The following GALK2 variants were observed in gnomAD, a reference collection of about 807,000 sequenced individuals.
GALK2 encodes galactokinase 2.
A neutral mutation model predicts 52.4 loss-of-function variants in GALK2; 36 were observed. The observed-to-expected ratio is 0.69, with a 90% confidence interval of 0.53 to 0.91. The LOEUF (loss-of-function observed/expected upper bound fraction) is 0.91, where lower values mean the gene tolerates loss of function less well. Among genes scored for constraint, GALK2 ranks in the 40% least tolerant of loss-of-function variants. GALK2 has a pLI of 0.00. For synonymous variants in GALK2, 176 were observed against 199.1 expected (o/e 0.88, Z 0.98); for missense variants, 579 against 559.1 (o/e 1.04, Z -0.36).
intron 3 of GALK2, 70 bp from the exon 4 acceptor site, chr15:49,235,781 G>A: frequency 1.0e-6 from 1 of 958,862 alleles, no homozygotes; most frequent in South Asian, 1.3e-5. Flanking sequence ...CAAGATGGCA[G>A]CAGTCATCCA....
At chr15:49,174,818 T>C (rs755840905) in intron 1 of GALK2, among the ~76,000 whole-genome samples, 4 of 152,194 alleles carry the variant, frequency 2.6e-5, no homozygotes, top group Non-Finnish European at 5.9e-5. Flanking sequence ...TGAATAATAA[T>C]GATGATAGCA....
At chr15:49,195,158 G>C (rs758760998) in intron 1 of GALK2, 2 of 449,180 alleles carry the variant, frequency 4.5e-6, no homozygotes, top group South Asian at 3.1e-5. Flanking sequence ...TGCAACCTCC[G>C]CCTCCTGGGT....
intron 2 of GALK2, among the ~76,000 whole-genome samples, chr15:49,206,341 G>A (rs887141287): frequency 2.6e-5 from 4 of 151,818 alleles, no homozygotes; most frequent in African/African-American, 9.7e-5. Flanking sequence ...TTTTATAATT[G>A]TTTTTTCTAA....
intron 1 of GALK2, among the ~76,000 whole-genome samples, chr15:49,157,621 G>A (rs1316700265): frequency 1.3e-5 from 2 of 152,030 alleles, no homozygotes; most frequent in African/African-American, 4.8e-5. Context: ...AAAATTTAAA[G>A]AATAATTAAA....
rs377685336 is a variant in GALK2, at chr15:49,296,788, A to G, written c.967+4251A>G. ...CTAATTTTTTGTATTTTTAGTAGAG[A>G]CAGGGTTTCACCATGTTGGCCAGGC... On this transcript the variant is annotated intron_variant, in intron 8 of 9. Coordinates refer to ENST00000560031, the MANE Select transcript of GALK2 (RefSeq NM_002044.4). Among the ~76,000 whole-genome samples the G allele has an allele frequency of 2.6e-5, 4 of 152,030 alleles. No individual in the cohort carries two copies. The East Asian group carries it at 5.8e-4, about 22-fold the overall frequency.
chr15:49,179,648 C>CT (rs1381124093), intron 1 of GALK2, among the ~76,000 whole-genome samples: 1 of 124,132 alleles, frequency 8.1e-6, no homozygotes, highest in African/African-American at 2.8e-5. Context: ...TTCTTTGTTT[C>CT]TTTCTTTTTT....
intron 5 of GALK2, among the ~76,000 whole-genome samples, chr15:49,268,210 A>G (rs548653090): frequency 6.6e-6 from 1 of 152,196 alleles, no homozygotes; most frequent in Non-Finnish European, 1.5e-5. Context: ...CTAATATTAA[A>G]CAAACATACA....
intron 2 of GALK2, among the ~76,000 whole-genome samples, chr15:49,213,913 C>T (rs181734167): frequency 1.2e-4 from 18 of 151,934 alleles, no homozygotes; most frequent in Admixed American, 3.3e-4. Flanking sequence ...GTCAGGAGAT[C>T]GAGACCATCA....
chr15:49,337,508 C>CT (rs33973907), intron 3 of GALK2, among the ~76,000 whole-genome samples: 13,355 of 35,890 alleles, frequency 0.37, 4,204 homozygotes, highest in Non-Finnish European at 0.47. Flanking sequence ...CATTTACCCA[C>CT]TTTTTTTTTT....
intron 8 of GALK2, among the ~76,000 whole-genome samples, chr15:49,299,812 G>GTTCTTTCTTTCTTTCTTTCTTTCTTT (rs1555428444): frequency 3.1e-5 from 4 of 128,052 alleles, no homozygotes; most frequent in Non-Finnish European, 4.9e-5. Flanking sequence ...TAGTCTGAGA[G>GTTCTTTCTTTCTTTCTTTCTTTCTTT]CGTGATTGGT....
At chr15:49,262,414 AT>A (rs1287324566) in intron 5 of GALK2, among the ~76,000 whole-genome samples, 2 of 151,982 alleles carry the variant, frequency 1.3e-5, no homozygotes, top group Non-Finnish European at 2.9e-5. Context: ...CGGTGGTGAT[AT>A]CCCCTTTATC....
chr15:49,191,887 T>G (rs1256657814), intron 1 of GALK2, among the ~76,000 whole-genome samples: 1 of 152,130 alleles, frequency 6.6e-6, no homozygotes, highest in African/African-American at 2.4e-5. Context: ...ACTTTTAATT[T>G]ATTAATTGGC....
chr15:49,221,803 A>G (rs988948659), intron 3 of GALK2, among the ~76,000 whole-genome samples: 3 of 151,980 alleles, frequency 2.0e-5, no homozygotes, highest in African/African-American at 7.3e-5. Flanking sequence ...TTGGGTTTTT[A>G]TAGCCTTATA....
intron 1 of GALK2, among the ~76,000 whole-genome samples, chr15:49,159,248 T>G (rs1440513056): frequency 6.6e-6 from 1 of 152,218 alleles, no homozygotes; most frequent in Non-Finnish European, 1.5e-5. Flanking sequence ...TTTTAAGCAA[T>G]TCTGCAGTGA....
At chr15:49,334,483 G>C (rs2039352173), downstream of GALK2, among the ~76,000 whole-genome samples, 1 of 152,134 alleles carries the variant, frequency 6.6e-6, no homozygotes, top group Non-Finnish European at 1.5e-5. Context: ...ATATGCCAAA[G>C]GTATCACCCA....
chr15:49,252,099 C>T (rs2091628744), intron 5 of GALK2, among the ~76,000 whole-genome samples: 1 of 152,084 alleles, frequency 6.6e-6, no homozygotes, highest in South Asian at 2.1e-4. Flanking sequence ...AACTCTGTCT[C>T]TCCTAAAAAT....
intron 3 of GALK2, among the ~76,000 whole-genome samples, chr15:49,347,577 C>T (rs756999636): frequency 5.9e-5 from 9 of 151,992 alleles, no homozygotes; most frequent in Admixed American, 3.3e-4. Flanking sequence ...GCATACTGAA[C>T]GAGTATTCTT....
chr15:49,218,193 C>T (rs770768903), intron 3 of GALK2, among the ~76,000 whole-genome samples: 3 of 152,024 alleles, frequency 2.0e-5, no homozygotes, highest in Admixed American at 1.3e-4. Context: ...TTGTGCAAGA[C>T]GTAGAAGTTT....
At chr15:49,312,892 A>ATT (rs1368211953) in intron 8 of GALK2, among the ~76,000 whole-genome samples, 1 of 152,210 alleles carries the variant, frequency 6.6e-6, no homozygotes, top group African/African-American at 2.4e-5. Flanking sequence ...GGGAGGTGAT[A>ATT]TTTGATAGCA....
Sources: allele counts gnomAD v4.1 joint callset (sites outside exome capture counted in the v4.1 genomes callset), GRCh38; gene constraint gnomAD v4.1.1; transcripts MANE v1.5; gene names NCBI Gene and HGNC (gene_info 2026-07-23, HGNC 2026-07-21).